The following SGCD variants were observed in gnomAD, a reference collection of about 807,000 sequenced individuals.
The protein encoded by SGCD is delta-sarcoglycan.
SGCD carries 18 observed loss-of-function variants against 36.6 expected under a neutral mutation model. That is an observed-to-expected ratio of 0.49 (90% CI 0.34 to 0.73). The LOEUF (loss-of-function observed/expected upper bound fraction) is 0.73. SGCD is among the 30% of genes least tolerant of loss of function. SGCD has a pLI of 0.01. For missense variants in SGCD, 387 were observed against 346.7 expected (o/e 1.12, Z -0.92); for synonymous variants, 133 against 130.6 (o/e 1.02, Z -0.12).
intron 3 of SGCD, among the ~76,000 whole-genome samples, chr5:156,168,914 C>T (rs1267316740): frequency 2.0e-5 from 3 of 152,264 alleles, no homozygotes; most frequent in East Asian, 3.9e-4. Flanking sequence ...GACAAGGAGC[C>T]CTTCCCAGGC....
intron 7 of SGCD, among the ~76,000 whole-genome samples, chr5:156,668,613 A>G (rs1166957483): frequency 6.6e-6 from 1 of 152,186 alleles, no homozygotes; most frequent in Non-Finnish European, 1.5e-5. Context: ...CATCTTCTCT[A>G]TACATTATAG....
Position 156,072,644 on chromosome 5 carries a change from G to A in SGCD, c.-281-45234G>A, listed in dbSNP as rs903310909. Among the ~76,000 whole-genome samples, 27 of 152,246 alleles carry A rather than the reference G, an allele frequency of 1.8e-4. No individual in the cohort carries two copies. The South Asian group carries it at 5.4e-3, about 30-fold the overall frequency. The stretch of plus-strand genomic sequence containing the variant: ...TCTTCTTGAGGAGTATCTTTGTGGT[G>A]TTCTCTGTATTTCCTGAATCTGAAT... On this transcript the variant is annotated intron_variant, in intron 1 of 9. Transcript: ENST00000517913.
rs1554111336 is a variant in SGCD at position 156,516,227 on chromosome 5, C to CA, written c.294+7526dup. Among the ~76,000 whole-genome samples, 23 of 152,180 alleles carry CA rather than the reference C, an allele frequency of 1.5e-4. No homozygotes were observed. In the East Asian group the frequency reaches 4.4e-3, roughly 29 times the overall value. On this transcript the variant is annotated intron_variant, in intron 4 of 8. Transcript: ENST00000337851. ...TGCCTCCTGACTAGGTGAGACCCCCCACACACACACCCCCAATAGGGGTTG... is the reference window on the plus strand; with the variant it reads ...TGCCTCCTGACTAGGTGAGACCCCCCAACACACACACCCCCAATAGGGGTTG...
chr5:155,808,531 C>T, the SGCD span, among the ~76,000 whole-genome samples: 1 of 152,148 alleles, frequency 6.6e-6, no homozygotes, highest in Non-Finnish European at 1.5e-5. Context: ...CGTATTTTTT[C>T]CCTCTTCTGG....
At position 156,763,570 on chromosome 5, in the gene SGCD, A is replaced by G. The variant is rs1757534335; in HGVS notation, c.*4180A>G. The G allele has an allele frequency of 6.6e-6, 1 of 152,326 alleles. No homozygotes were observed. Among genetic ancestry groups the G allele is most frequent in the Non-Finnish European group, 1.5e-5 (1 of 68,024 alleles). The allele number at this position is 152,326 out of a possible 1,614,324, so 9.4% of individuals were successfully genotyped here. On this transcript the variant is annotated 3_prime_UTR_variant, in exon 9 of 9. Transcript: ENST00000337851. Reference sequence around the variant, plus strand: ...ATTCTCTGGTGTAGAAGGAATGCAAAAAACTATAACAACAACAACAAAAAC... The same window carrying G: ...ATTCTCTGGTGTAGAAGGAATGCAAGAAACTATAACAACAACAACAAAAAC...
At chr5:156,132,693 C>T (rs1447896121) in intron 3 of SGCD, among the ~76,000 whole-genome samples, 1 of 151,736 alleles carries the variant, frequency 6.6e-6, no homozygotes, top group Non-Finnish European at 1.5e-5. Context: ...TGGTCTCGAT[C>T]TCCTGACCTC....
the SGCD span, among the ~76,000 whole-genome samples, chr5:155,844,457 T>TGTGTGTGTG: frequency 2.2e-5 from 2 of 90,106 alleles, no homozygotes; most frequent in Admixed American, 9.9e-5. Context: ...GTGTGTGTGT[T>TGTGTGTGTG]ATAAACAAGG....
intron 2 of SGCD, among the ~76,000 whole-genome samples, chr5:156,123,430 T>A (rs987603069): frequency 1.3e-5 from 2 of 152,112 alleles, no homozygotes; most frequent in Admixed American, 1.3e-4. Flanking sequence ...AGGGAGGTAT[T>A]TCAAGGTGGA....
At chr5:156,213,212 G>T (rs1172970548) in intron 3 of SGCD, among the ~76,000 whole-genome samples, 5 of 151,752 alleles carry the variant, frequency 3.3e-5, no homozygotes, top group Admixed American at 2.6e-4. Flanking sequence ...TAAAACTAAG[G>T]GTTGTTTTTT....
In SGCD at chr5:155,884,802, C is replaced by A. The variant is rs1445117188; in HGVS notation, c.-282+14378C>A. 3.7e-5 allele frequency among the ~76,000 whole-genome samples: 2 copies of A among 53,614 alleles called. 1 individual carries two copies. Among genetic ancestry groups the A allele is most frequent in the African/African-American group, 3.6e-4 (2 of 5,548 alleles). 35.2% of individuals were successfully genotyped at this position (53,614 alleles called of 152,430 possible). A position where few individuals can be genotyped will look rare whatever the true frequency, so the allele number is the denominator to read the frequency against. On this transcript the variant is annotated intron_variant, in intron 1 of 9. Coordinates refer to the SGCD transcript ENST00000517913. The stretch of plus-strand genomic sequence containing the variant: ...TCTATAAAAATGGGAATAGTAATAG[C>A]ATGTAACCTATAAGAACTTGTGATA...
chr5:156,141,768 A>G (rs1370331115), intron 3 of SGCD, among the ~76,000 whole-genome samples: 1 of 152,172 alleles, frequency 6.6e-6, no homozygotes, highest in African/African-American at 2.4e-5. Context: ...TCCCTGTTGC[A>G]TTGTCTTCAA....
At chr5:156,180,053 T>C (rs1217159378) in intron 3 of SGCD, among the ~76,000 whole-genome samples, 1 of 152,202 alleles carries the variant, frequency 6.6e-6, no homozygotes, top group East Asian at 1.9e-4. Flanking sequence ...AAGTCAGAAG[T>C]TGTAGTTTTT....
chr5:156,651,609 AG>A (rs1763464211), intron 7 of SGCD, among the ~76,000 whole-genome samples: 1 of 152,122 alleles, frequency 6.6e-6, no homozygotes, highest in Admixed American at 6.6e-5. Flanking sequence ...AAATAGCTAT[AG>A]GTATGAGACT....
intron 1 of SGCD, among the ~76,000 whole-genome samples, chr5:156,031,056 G>A (rs942258617): frequency 1.3e-5 from 2 of 152,150 alleles, no homozygotes; most frequent in Non-Finnish European, 2.9e-5. Context: ...GACAAGTGGG[G>A]GATATGCAGT....
chr5:155,928,716 A>G, intron 1 of SGCD, among the ~76,000 whole-genome samples: 1 of 151,732 alleles, frequency 6.6e-6, no homozygotes. Context: ...GCACATATGA[A>G]AGAAAATATG....
chr5:156,618,612 A>G (rs1762108394), intron 6 of SGCD, among the ~76,000 whole-genome samples: 1 of 151,018 alleles, frequency 6.6e-6, no homozygotes, highest in Non-Finnish European at 1.5e-5. Flanking sequence ...AAAAAAAAAA[A>G]GAGCCAGTCC....
At position 156,558,088 on chromosome 5, in the gene SGCD, A is replaced by AATATATATATATATAT. The variant is rs67339181; in HGVS notation, c.295-31122_295-31107dup. Among the ~76,000 whole-genome samples the AATATATATATATATAT allele has an allele frequency of 3.5e-3, 332 of 95,496 alleles. 4 individuals carry two copies. The highest frequency in any genetic ancestry group is 5.3e-3 in the African/African-American group (134 of 25,306). The allele number at this position is 95,496 out of a possible 152,430, so 62.6% of individuals were successfully genotyped here. On this transcript the variant is annotated intron_variant, in intron 4 of 8. Transcript: ENST00000337851. ...ACTGAGTGTGTTATTAGTAAATACAAATATATATATATATATATATATATA... is the reference window on the plus strand; with the variant it reads ...ACTGAGTGTGTTATTAGTAAATACAAATATATATATATATATATATATATATATATATATATATATA...
chr5:156,621,809 T>G (rs1762262103), intron 6 of SGCD, among the ~76,000 whole-genome samples: 1 of 152,246 alleles, frequency 6.6e-6, no homozygotes, highest in Admixed American at 6.5e-5. Context: ...GAGATCTTTA[T>G]TTTAATAGCT....
chr5:155,907,620 A>C lies in SGCD; in HGVS notation c.-282+37196A>C, dbSNP rs1429630785. Reference sequence around the variant, plus strand: ...CAGATATCATAAAAATAGTAAGAGAACTAGAATGAAAAATGTAGCCAGAAG... The same window carrying C: ...CAGATATCATAAAAATAGTAAGAGACCTAGAATGAAAAATGTAGCCAGAAG... On this transcript the variant is annotated intron_variant, in intron 1 of 9. Transcript: ENST00000517913. Among the ~76,000 whole-genome samples the C allele has an allele frequency of 3.3e-5, 5 of 152,178 alleles. No individual in the cohort carries two copies. In the Middle Eastern group the frequency reaches 0.01, roughly 311 times the overall value.
Sources: allele counts gnomAD v4.1 joint callset (sites outside exome capture counted in the v4.1 genomes callset), GRCh38; gene constraint gnomAD v4.1.1; transcripts MANE v1.5; gene names NCBI Gene and HGNC (gene_info 2026-07-23, HGNC 2026-07-21).